The following NRXN1 variants were observed in gnomAD, a reference collection of about 807,000 sequenced individuals.
NRXN1 encodes the protein neurexin-1.
NRXN1 carries 39 observed loss-of-function variants against 150.9 expected under a neutral mutation model. That is an observed-to-expected ratio of 0.26 (90% CI 0.20 to 0.34). The LOEUF is 0.34. Among genes scored for constraint, NRXN1 ranks in the 10% least tolerant of loss-of-function variants. The pLI, the probability that NRXN1 is intolerant of heterozygous loss-of-function variation, is 1.00. For synonymous variants in NRXN1, 924 were observed against 757.0 expected (o/e 1.22, Z -3.62); for missense variants, 1,815 against 1,949.9 (o/e 0.93, Z 1.30).
At chr2:50,177,516 AATATATCTT>A (rs1445638202) in intron 18 of NRXN1, among the ~76,000 whole-genome samples, 2 of 151,744 alleles carry the variant, frequency 1.3e-5, no homozygotes, top group Non-Finnish European at 1.5e-5. Flanking sequence ...AAATATAGTA[AATATATCTT>A]TTACTTTGGG....
At chr2:50,752,568 C>T (rs1700721881) in intron 5 of NRXN1, among the ~76,000 whole-genome samples, 1 of 151,846 alleles carries the variant, frequency 6.6e-6, no homozygotes, top group Non-Finnish European at 1.5e-5. Context: ...CATCCTTACC[C>T]ATGCTCTGAA....
intron 5 of NRXN1, among the ~76,000 whole-genome samples, chr2:50,755,398 A>G: frequency 6.6e-6 from 1 of 151,820 alleles, no homozygotes; most frequent in Non-Finnish European, 1.5e-5. Context: ...AACATTATGT[A>G]TCCCATTTAC....
chr2:49,955,751 A>G (rs930287688), intron 21 of NRXN1, among the ~76,000 whole-genome samples: 1 of 152,138 alleles, frequency 6.6e-6, no homozygotes, highest in Non-Finnish European at 1.5e-5. Flanking sequence ...TTTTCCTTCA[A>G]AATCTAACTA....
chr2:50,981,457 C>CA (rs70958635), intron 2 of NRXN1, among the ~76,000 whole-genome samples: 8,062 of 23,122 alleles, frequency 0.35, 1,860 homozygotes, highest in Non-Finnish European at 0.44. Flanking sequence ...AACTCTATCT[C>CA]AAAAAAAAAA....
At chr2:50,558,451 G>T (rs12615362) in intron 8 of NRXN1, among the ~76,000 whole-genome samples, 57,188 of 152,006 alleles carry the variant, frequency 0.38, 11,667 homozygotes, top group East Asian at 0.58. Flanking sequence ...TTACATGTGC[G>T]TTCTAAATAC....
At chr2:51,014,114 G>A (rs1459175464) in intron 2 of NRXN1, among the ~76,000 whole-genome samples, 1 of 152,042 alleles carries the variant, frequency 6.6e-6, no homozygotes, top group Non-Finnish European at 1.5e-5. Flanking sequence ...AAGGCAACAG[G>A]GAAGGTGAGG....
At chr2:50,914,272 C>T (rs1016820525) in intron 5 of NRXN1, among the ~76,000 whole-genome samples, 3 of 151,556 alleles carry the variant, frequency 2.0e-5, no homozygotes, top group South Asian at 2.1e-4. Flanking sequence ...TTGATGATCT[C>T]GGAAGAATGA....
intron 17 of NRXN1, among the ~76,000 whole-genome samples, chr2:50,367,122 A>T (rs1032480899): frequency 6.6e-6 from 1 of 151,960 alleles, no homozygotes; most frequent in Admixed American, 6.6e-5. Context: ...AGGAAAGTTA[A>T]GGTACTTTCT....
At chr2:50,699,194 A>C (rs1176250466) in intron 5 of NRXN1, among the ~76,000 whole-genome samples, 1 of 152,180 alleles carries the variant, frequency 6.6e-6, no homozygotes, top group Non-Finnish European at 1.5e-5. Flanking sequence ...TTAAATGGAA[A>C]CAAAAGCATT....
chr2:50,025,479 T>C (rs939392360), intron 21 of NRXN1, among the ~76,000 whole-genome samples: 7 of 152,190 alleles, frequency 4.6e-5, no homozygotes, highest in African/African-American at 1.4e-4. Context: ...CAATGTCATA[T>C]GAAACAAAGC....
intron 5 of NRXN1, among the ~76,000 whole-genome samples, chr2:50,684,445 T>TA (rs145268628): frequency 0.011 from 1,601 of 152,218 alleles, 38 homozygotes; most frequent in African/African-American, 0.036. Context: ...AAAACTGCAG[T>TA]AAGCTGTGAT....
Position 50,620,133 on chromosome 2 carries a change from T to C in NRXN1, c.1209A>G (p.Glu403=), listed in dbSNP as rs1573821390. The C allele has an allele frequency of 6.2e-7, 1 of 1,613,548 alleles. No individual in the cohort carries two copies. The highest frequency in any genetic ancestry group is 8.5e-7 in the Non-Finnish European group (1 of 1,179,674). ...GILTTTGYTQ[E]DYTMLGSDDF... ...CATCAGACCCCAGCATGGTATAATC[T>C]TCTTGCGTGTAGCCCGTTGTGGTAA... Residue 403 remains glutamate, a synonymous_variant, in exon 8 of 23, where the codon GAA becomes GAG. Coordinates refer to ENST00000401669, the MANE Select transcript of NRXN1 (RefSeq NM_001330078.2).
chr2:50,389,234 G>T (rs1656459314), intron 17 of NRXN1, among the ~76,000 whole-genome samples: 1 of 149,850 alleles, frequency 6.7e-6, no homozygotes, highest in South Asian at 2.2e-4. Flanking sequence ...GACCAAAATG[G>T]TGATAAACAG....
At chr2:49,937,689 C>T (rs1416892298) in intron 22 of NRXN1, among the ~76,000 whole-genome samples, 2 of 152,176 alleles carry the variant, frequency 1.3e-5, no homozygotes, top group African/African-American at 4.8e-5. Context: ...TCTCGATGTT[C>T]CCTCAAATGG....
intron 8 of NRXN1, among the ~76,000 whole-genome samples, chr2:50,597,859 C>T (rs1370898782): frequency 2.6e-5 from 4 of 152,170 alleles, no homozygotes; most frequent in South Asian, 2.1e-4. Context: ...CCATTCCCAG[C>T]GGGGCACAGT....
chr2:50,949,141 C>G (rs1475704001), intron 2 of NRXN1, among the ~76,000 whole-genome samples: 4 of 152,004 alleles, frequency 2.6e-5, no homozygotes, highest in African/African-American at 7.2e-5. Flanking sequence ...ATACCTTTGT[C>G]ACTATTTTGT....
At chr2:50,628,773 A>C (rs1235304186) in intron 5 of NRXN1, among the ~76,000 whole-genome samples, 2 of 151,650 alleles carry the variant, frequency 1.3e-5, no homozygotes, top group Non-Finnish European at 3.0e-5. Flanking sequence ...AATGTCAATA[A>C]ATACTTATAT....
chr2:50,961,320 C>T (rs2104692758), intron 2 of NRXN1, among the ~76,000 whole-genome samples: 1 of 151,692 alleles, frequency 6.6e-6, no homozygotes, highest in East Asian at 1.9e-4. Context: ...TTCTAGCAAG[C>T]TCTCAGGTGA....
intron 5 of NRXN1, among the ~76,000 whole-genome samples, chr2:50,675,033 C>T (rs1454355211): frequency 1.3e-5 from 2 of 151,560 alleles, no homozygotes; most frequent in African/African-American, 2.4e-5. Flanking sequence ...AAAAAGAGCC[C>T]GACACCTCTT....
Sources: allele counts gnomAD v4.1 joint callset (sites outside exome capture counted in the v4.1 genomes callset), GRCh38; gene constraint gnomAD v4.1.1; transcripts MANE v1.5; gene names NCBI Gene and HGNC (gene_info 2026-07-23, HGNC 2026-07-21).